ATRNL1: variants seen among roughly 807,000 people sequenced by gnomAD.
ATRNL1 encodes the protein attractin like 1, also known as attractin-like protein 1.
ATRNL1 carries 95 observed loss-of-function variants against 182.7 expected under a neutral mutation model. That is an observed-to-expected ratio of 0.52 (90% confidence interval 0.44 to 0.62). The LOEUF (loss-of-function observed/expected upper bound fraction) is 0.62. ATRNL1 is among the 20% of genes least tolerant of loss of function. The pLI, the probability that ATRNL1 is intolerant of heterozygous loss-of-function variation, is 0.00. For missense variants in ATRNL1, 1,471 were observed against 1,679.5 expected (o/e 0.88, Z 2.17); for synonymous variants, 576 against 568.3 (o/e 1.01, Z -0.19).
chr10:115,365,766 A>G (rs1217171934), intron 19 of ATRNL1, among the ~76,000 whole-genome samples: 3 of 151,794 alleles, frequency 2.0e-5, no homozygotes, highest in Admixed American at 1.3e-4. Context: ...TTCTGCCTTC[A>G]TTTCGTTATG....
intron 27 of ATRNL1, among the ~76,000 whole-genome samples, chr10:115,824,652 A>G (rs1200640419): frequency 3.3e-5 from 5 of 152,218 alleles, no homozygotes; most frequent in Non-Finnish European, 7.3e-5. Flanking sequence ...TATCCTGCCA[A>G]CAAACATATG....
intron 18 of ATRNL1, 44 bp downstream of exon 18, chr10:115,315,780 G>A: frequency 6.7e-7 from 1 of 1,497,528 alleles, no homozygotes; most frequent in Non-Finnish European, 9.1e-7. Context: ...CTGCTTAAGG[G>A]ATCCAAGAAG....
At chr10:115,559,432 G>GTA (rs1853536835) in intron 26 of ATRNL1, among the ~76,000 whole-genome samples, 1 of 109,084 alleles carries the variant, frequency 9.2e-6, no homozygotes. Flanking sequence ...GTGTGTGTGT[G>GTA]TGTGTGTGTG....
chr10:115,645,590 G>A (rs1859558549), intron 26 of ATRNL1, among the ~76,000 whole-genome samples: 1 of 151,246 alleles, frequency 6.6e-6, no homozygotes. Flanking sequence ...CAAGAATTTT[G>A]TCATTTAACC....
chr10:115,100,312 TAAAAA>T (rs574839321), intron 1 of ATRNL1, among the ~76,000 whole-genome samples: 4 of 142,928 alleles, frequency 2.8e-5, no homozygotes, highest in African/African-American at 1.0e-4. Context: ...AAATAAAAAA[TAAAAA>T]AAAAAAGAAA....
rs369464290 is a variant in ATRNL1, at chr10:115,530,828, T to G, written c.3716+11504T>G. Among the ~76,000 whole-genome samples the G allele has an allele frequency of 6.8e-4, 92 of 135,810 alleles. 1 individual carries two copies. The East Asian group carries it at 0.018, about 26-fold the overall frequency. The allele number at this position is 135,810 out of a possible 152,430, so 89.1% of individuals were successfully genotyped here. A position where few individuals can be genotyped will look rare whatever the true frequency, so the allele number is the denominator to read the frequency against. On this transcript the variant is annotated intron_variant, in intron 25 of 28. Coordinates refer to ENST00000355044, the MANE Select transcript of ATRNL1 (RefSeq NM_207303.4). The stretch of plus-strand genomic sequence containing the variant: ...AGAGTGTGATGTTCCCCTTCCTGTG[T>G]CCATGTGTTCTCATTGTTCAATTCC...
chr10:115,331,929 G>A (rs926199500), intron 18 of ATRNL1, among the ~76,000 whole-genome samples: 1 of 152,160 alleles, frequency 6.6e-6, no homozygotes, highest in Admixed American at 6.5e-5. Flanking sequence ...ATCTGACATT[G>A]TGGCACTCAT....
At position 115,488,126 on chromosome 10, in the gene ATRNL1, G is replaced by A. The variant is rs189551962; in HGVS notation, c.3654+18797G>A. Among the ~76,000 whole-genome samples, 6 of 152,204 alleles carry A rather than the reference G, an allele frequency of 3.9e-5. No individual in the cohort carries two copies. In the East Asian group the frequency reaches 1.2e-3, roughly 29 times the overall value. On this transcript the variant is annotated intron_variant, in intron 24 of 28. Coordinates refer to ENST00000355044, the MANE Select transcript of ATRNL1 (RefSeq NM_207303.4). Reference sequence around the variant, plus strand: ...ATGTGCTGCTGGATTCAATTTGCCGGTATTTTACTGAGGATTTTTGCATCG... The same window carrying A: ...ATGTGCTGCTGGATTCAATTTGCCGATATTTTACTGAGGATTTTTGCATCG...
chr10:115,574,352 ATG>A (rs1487195708), intron 26 of ATRNL1, among the ~76,000 whole-genome samples: 2 of 112,412 alleles, frequency 1.8e-5, no homozygotes, highest in Admixed American at 1.1e-4. Context: ...ATATATATAA[ATG>A]TATATATATA....
intron 28 of ATRNL1, among the ~76,000 whole-genome samples, chr10:115,887,259 AAT>A (rs1364054280): frequency 6.6e-6 from 1 of 152,190 alleles, no homozygotes. Flanking sequence ...CCCCAAACAC[AAT>A]ATGTTTGTCT....
intron 24 of ATRNL1, among the ~76,000 whole-genome samples, chr10:115,518,285 C>G (rs1850739940): frequency 1.3e-5 from 2 of 151,840 alleles, no homozygotes; most frequent in Admixed American, 6.6e-5. Context: ...TTGTTTACAG[C>G]AGGAGGGAAA....
chr10:115,399,599 T>C (rs1844460509), intron 20 of ATRNL1, among the ~76,000 whole-genome samples: 1 of 151,994 alleles, frequency 6.6e-6, no homozygotes, highest in Non-Finnish European at 1.5e-5. Context: ...ATTTTATTAT[T>C]TTCTTCAAAA....
chr10:115,442,282 T>G (rs1352790156), intron 21 of ATRNL1, among the ~76,000 whole-genome samples: 1 of 118,904 alleles, frequency 8.4e-6, no homozygotes, highest in African/African-American at 2.7e-5. Context: ...TCTCTCTCTC[T>G]CTCTCTCTCT....
chr10:115,272,304 T>C (rs1028434099), intron 13 of ATRNL1, among the ~76,000 whole-genome samples: 9 of 152,326 alleles, frequency 5.9e-5, no homozygotes, highest in Middle Eastern at 3.4e-3. Context: ...TCTTGTATTC[T>C]AGACATATTC....
intron 28 of ATRNL1, among the ~76,000 whole-genome samples, chr10:115,933,174 G>A (rs948512081): frequency 6.6e-6 from 1 of 152,182 alleles, no homozygotes; most frequent in Non-Finnish European, 1.5e-5. Context: ...AAACAACCAG[G>A]CTGTTCAGAG....
intron 26 of ATRNL1, among the ~76,000 whole-genome samples, chr10:115,618,412 A>T (rs1468175777): frequency 6.6e-6 from 1 of 152,070 alleles, no homozygotes; most frequent in African/African-American, 2.4e-5. Flanking sequence ...AGAATTTTTT[A>T]TGCAGCTTTC....
chr10:115,177,691 T>C (rs890242655), intron 8 of ATRNL1, among the ~76,000 whole-genome samples: 2 of 152,132 alleles, frequency 1.3e-5, no homozygotes, highest in Non-Finnish European at 1.5e-5. Context: ...GCCATGCCTG[T>C]CTCGCACTCC....
intron 5 of ATRNL1, among the ~76,000 whole-genome samples, chr10:115,130,209 C>G (rs1554874826): frequency 1.3e-5 from 2 of 152,038 alleles, no homozygotes; most frequent in Admixed American, 1.3e-4. Context: ...CTAGAGCTTA[C>G]TTTTTGCTAG....
intron 24 of ATRNL1, among the ~76,000 whole-genome samples, chr10:115,472,192 T>C (rs1430989749): frequency 1.3e-5 from 2 of 151,060 alleles, no homozygotes; most frequent in East Asian, 3.9e-4. Context: ...TCTATTCTGC[T>C]CCATTGGTAT....
Sources: gnomAD v4.1 joint callset for allele counts (sites outside exome capture counted in the v4.1 genomes callset) on GRCh38, gnomAD v4.1.1 for gene constraint, MANE v1.5 for transcripts, NCBI Gene and HGNC (gene_info 2026-07-23, HGNC 2026-07-21) for gene names.